PTPRE: variants seen among roughly 807,000 people sequenced by gnomAD.
PTPRE encodes the protein receptor-type tyrosine-protein phosphatase epsilon.
In PTPRE, 51 loss-of-function variants were observed where a neutral mutation model predicts 102.0. The observed-to-expected ratio is 0.50, with a 90% CI of 0.40 to 0.63. The LOEUF (loss-of-function observed/expected upper bound fraction) is 0.63. Ranked by LOEUF, PTPRE falls within the 30% of genes least tolerant of loss-of-function variation. PTPRE has a pLI of 0.00. For missense variants in PTPRE, 752 were observed against 915.1 expected (o/e 0.82, Z 2.30); for synonymous variants, 345 against 348.2 (o/e 0.99, Z 0.10).
rs753868396 is a variant in PTPRE, at chr10:128,072,219, G to A, written c.1464+5G>A. ...ATCAACGCATCCTTCATAGACGTACGTATGCTGGCCTGGGTTGTGTTTATG... is the reference window on the plus strand; with the variant it reads ...ATCAACGCATCCTTCATAGACGTACATATGCTGGCCTGGGTTGTGTTTATG... On this transcript the variant is annotated splice_donor_5th_base_variant and intron_variant, in intron 16 of 20. Transcript: ENST00000254667. 4 of 1,611,542 alleles carry A rather than the reference G, an allele frequency of 2.5e-6. No individual in the cohort carries two copies. The highest frequency in any genetic ancestry group is 3.4e-6 in the Non-Finnish European group (4 of 1,178,178).
At chr10:128,052,895 C>A (rs992526994) in intron 6 of PTPRE, among the ~76,000 whole-genome samples, 3 of 152,182 alleles carry the variant, frequency 2.0e-5, no homozygotes, top group Non-Finnish European at 4.4e-5. Context: ...CACTCTCCTG[C>A]TGCCTGCCCG....
intron 2 of PTPRE, among the ~76,000 whole-genome samples, chr10:128,012,109 G>T (rs145862191): frequency 7.9e-5 from 12 of 152,154 alleles, no homozygotes; most frequent in Non-Finnish European, 1.8e-4. Flanking sequence ...AGAGTGACAA[G>T]ATTGTGAGCC....
At chr10:127,911,253 C>A (rs758140845) in intron 1 of PTPRE, among the ~76,000 whole-genome samples, 1 of 152,138 alleles carries the variant, frequency 6.6e-6, no homozygotes, top group African/African-American at 2.4e-5. Flanking sequence ...GTAAATTTTG[C>A]GTGATTAAGT....
At chr10:127,928,796 A>G (rs569516931) in intron 1 of PTPRE, among the ~76,000 whole-genome samples, 10 of 152,356 alleles carry the variant, frequency 6.6e-5, no homozygotes, top group Non-Finnish European at 8.8e-5. Flanking sequence ...GAAAAACATC[A>G]TAGCATTCAT....
At chr10:127,911,815 A>G (rs1206335939) in intron 1 of PTPRE, among the ~76,000 whole-genome samples, 1 of 152,076 alleles carries the variant, frequency 6.6e-6, no homozygotes, top group African/African-American at 2.4e-5. Flanking sequence ...AATTTTAGGT[A>G]CTGGCCCTAG....
At chr10:128,056,318 C>G in intron 7 of PTPRE, 105 bp downstream of exon 7, 1 of 913,358 alleles carries the variant, frequency 1.1e-6, no homozygotes, top group Non-Finnish European at 1.7e-6. Context: ...GCTCAGAGGC[C>G]CCAAATCAGT....
rs564793548 is a variant in PTPRE, at chr10:128,010,420, C to G, written c.-8+28124C>G. Among the ~76,000 whole-genome samples the G allele has an allele frequency of 2.6e-5, 4 of 152,262 alleles. No homozygotes were observed. The East Asian group carries it at 5.8e-4, about 22-fold the overall frequency. On this transcript the variant is annotated intron_variant, in intron 2 of 20. Coordinates refer to ENST00000254667, the MANE Select transcript of PTPRE (RefSeq NM_006504.6). The stretch of plus-strand genomic sequence containing the variant: ...CTCCTCCCTTTGCCGGGGCACAGAT[C>G]CCATCACCACCAGGTCAGGGAAGAG...
intron 3 of PTPRE, among the ~76,000 whole-genome samples, chr10:128,043,576 T>C (rs780537687): frequency 2.0e-5 from 3 of 152,238 alleles, no homozygotes; most frequent in Non-Finnish European, 4.4e-5. Flanking sequence ...AATGTAGAAG[T>C]TGGACACTTG....
intron 2 of PTPRE, among the ~76,000 whole-genome samples, chr10:128,021,397 C>T (rs889125429): frequency 2.0e-5 from 3 of 152,224 alleles, no homozygotes; most frequent in Non-Finnish European, 2.9e-5. Context: ...AAACCGCCCC[C>T]CTCCCCGTGT....
Position 128,085,117 on chromosome 10 carries a change from T to C in PTPRE, c.*2211T>C. The C allele has an allele frequency of 2.2e-6, 1 of 456,072 alleles. No individual in the cohort carries two copies. The highest frequency in any genetic ancestry group is 4.4e-6 in the Non-Finnish European group (1 of 226,874). The allele number at this position is 456,072 out of a possible 1,614,324, so 28.3% of individuals were successfully genotyped here. On this transcript the variant is annotated 3_prime_UTR_variant, in exon 21 of 21. Transcript: ENST00000254667. ...TTCCCCAGGACGCAAGACTCTCCCCTCCACTGTCCGGGACAGCGTTCGCCC... is the reference window on the plus strand; with the variant it reads ...TTCCCCAGGACGCAAGACTCTCCCCCCCACTGTCCGGGACAGCGTTCGCCC...
At chr10:128,081,943 A>G (rs1851743307) in intron 20 of PTPRE, among the ~76,000 whole-genome samples, 1 of 152,180 alleles carries the variant, frequency 6.6e-6, no homozygotes, top group Non-Finnish European at 1.5e-5. Flanking sequence ...CCCAAGTGCA[A>G]TGTGTTGGAA....
At chr10:128,066,011 G>T (rs752141951) in intron 10 of PTPRE, 64 bp from the exon 11 acceptor site, 1 of 1,610,408 alleles carries the variant, frequency 6.2e-7, no homozygotes, top group East Asian at 2.2e-5. Flanking sequence ...GTAGTTGGGT[G>T]GGGGGATGTC....
intron 3 of PTPRE, among the ~76,000 whole-genome samples, chr10:128,043,929 G>A (rs1449587598): frequency 6.6e-6 from 1 of 152,190 alleles, no homozygotes; most frequent in African/African-American, 2.4e-5. Flanking sequence ...GCTATATGGG[G>A]ACGTGTCTTA....
chr10:127,964,751 T>C (rs1438606370), intron 1 of PTPRE: 2 of 238,988 alleles, frequency 8.4e-6, no homozygotes, highest in African/African-American at 4.5e-5. Flanking sequence ...CTTTGGGGAA[T>C]ACAAACTCTG....
At chr10:127,908,144 T>C (rs1845620179) in intron 1 of PTPRE, among the ~76,000 whole-genome samples, 1 of 152,164 alleles carries the variant, frequency 6.6e-6, no homozygotes, top group Non-Finnish European at 1.5e-5. Context: ...ATTATGATAT[T>C]GGTTTGTCTT....
At chr10:127,987,248 C>A in intron 2 of PTPRE, 5 of 967,190 alleles carry the variant, frequency 5.2e-6, no homozygotes, top group Non-Finnish European at 6.5e-6. Flanking sequence ...ACACAGATTT[C>A]CTATATAAAC....
rs570729764 is a variant in PTPRE, at chr10:128,027,812, C to A, written c.-7-13063C>A. On this transcript the variant is annotated intron_variant, in intron 2 of 20. Coordinates refer to ENST00000254667, the MANE Select transcript of PTPRE (RefSeq NM_006504.6). ...TGCCAAAAGATCCTGGATAAATGAA[C>A]CGAGAGAGACCCCAATCTGGACCAG... Among the ~76,000 whole-genome samples the A allele has an allele frequency of 3.3e-5, 5 of 152,292 alleles. No individual in the cohort carries two copies. In the South Asian group the frequency reaches 1.0e-3, roughly 32 times the overall value.
In PTPRE at chr10:128,070,587, A is replaced by T. The variant is rs1850680815; in HGVS notation, c.1293+137A>T. 4 of 1,270,044 alleles carry T rather than the reference A, an allele frequency of 3.1e-6. No individual in the cohort carries two copies. Among genetic ancestry groups the T allele is most frequent in the African/African-American group, 1.5e-5 (1 of 66,628 alleles). 78.7% of individuals were successfully genotyped at this position (1,270,044 alleles called of 1,614,324 possible). A position where few individuals can be genotyped will look rare whatever the true frequency, so the allele number is the denominator to read the frequency against. On this transcript the variant is annotated intron_variant, in intron 14 of 20. Coordinates refer to ENST00000254667, the MANE Select transcript of PTPRE (RefSeq NM_006504.6). The surrounding 1 kb of genome is among the most constrained non-coding windows in gnomAD (Gnocchi z 4.8). ...TCAGAAAAAGCAGGGGCAATACCTG[A>T]GCCATGATTTACAAGGGAAGAAGGA... is the stretch of plus-strand genomic sequence containing the variant.
At chr10:127,956,432 A>G (rs539851589) in intron 1 of PTPRE, among the ~76,000 whole-genome samples, 1 of 152,290 alleles carries the variant, frequency 6.6e-6, no homozygotes, top group African/African-American at 2.4e-5. Context: ...ATATGTCTAT[A>G]TATTCATTGC....
Sources: allele counts gnomAD v4.1 joint callset (sites outside exome capture counted in the v4.1 genomes callset), GRCh38; gene constraint gnomAD v4.1.1; non-coding constraint Gnocchi (gnomAD v3.1); transcripts MANE v1.5; gene names NCBI Gene and HGNC (gene_info 2026-07-23, HGNC 2026-07-21).